Variants in FGF13 observed in about 807,000 individuals in gnomAD.
FGF13 encodes fibroblast growth factor homologous factor 2.
A neutral mutation model predicts 19.5 loss-of-function variants in FGF13; 2 were observed. That is an observed-to-expected ratio of 0.10 (90% CI 0.04 to 0.32). FGF13 has a LOEUF of 0.32. Among genes scored for constraint, FGF13 ranks in the 10% least tolerant of loss-of-function variants. FGF13 has a pLI of 1.00. For missense variants in FGF13, 113 were observed against 192.7 expected, an observed-to-expected ratio of 0.59 and a Z score of 2.45; for synonymous variants, 72 against 76.9, an observed-to-expected ratio of 0.94 and a Z score of 0.33.
intron 3 of FGF13, among the ~76,000 whole-genome samples, chrX:138,685,583 C>T (rs182644785): frequency 3.1e-4 from 35 of 111,374 alleles, no homozygotes; most frequent in African/African-American, 1.1e-3. Flanking sequence ...AATACAGCAG[C>T]TTTTCTCGAT....
intron 1 of FGF13, among the ~76,000 whole-genome samples, chrX:139,168,012 T>A (rs1001635844): frequency 8.9e-6 from 1 of 112,102 alleles, no homozygotes; most frequent in South Asian, 3.7e-4. Context: ...GAGTTCAAAA[T>A]GAAAACTAGG....
rs763051441 is a variant in FGF13, at chrX:138,778,499, C to T, written c.218-69571G>A. Reference sequence around the variant, plus strand: ...CGAAGCAGGGCGAGGTATTGCCTCCCTCAGGAAGCTCAAGGGGTCAGGGAG... The same window carrying T: ...CGAAGCAGGGCGAGGTATTGCCTCCTTCAGGAAGCTCAAGGGGTCAGGGAG... On this transcript the variant is annotated intron_variant, in intron 3 of 6. Coordinates refer to the FGF13 transcript ENST00000436198. Among the ~76,000 whole-genome samples, 29 of 112,372 alleles carry T rather than the reference C, an allele frequency of 2.6e-4. No homozygotes were observed. In the East Asian group the frequency reaches 7.9e-3, roughly 31 times the overall value.
chrX:139,065,383 C>T (rs2124426530), intron 1 of FGF13, among the ~76,000 whole-genome samples: 1 of 106,709 alleles, frequency 9.4e-6, no homozygotes, highest in African/African-American at 3.4e-5. Context: ...AGTCAAGACC[C>T]ATTGATGTGC....
At chrX:139,094,108 G>A (rs180929042) in intron 1 of FGF13, among the ~76,000 whole-genome samples, 18 of 111,549 alleles carry the variant, frequency 1.6e-4, no homozygotes, top group African/African-American at 2.6e-4. Flanking sequence ...CATACAGGCC[G>A]TCTCTAGTGC....
At chrX:138,814,818 G>T (rs984306038) in intron 3 of FGF13, among the ~76,000 whole-genome samples, 19 of 110,898 alleles carry the variant, frequency 1.7e-4, no homozygotes, top group African/African-American at 5.2e-4. Context: ...ACTATCATAT[G>T]ATCCAGTAAT....
chrX:138,810,293 A>G (rs943192135), intron 3 of FGF13, among the ~76,000 whole-genome samples: 2 of 111,525 alleles, frequency 1.8e-5, no homozygotes, highest in Non-Finnish European at 3.8e-5. Flanking sequence ...AATACCACAC[A>G]TCTATAAGCA....
intron 1 of FGF13, among the ~76,000 whole-genome samples, chrX:139,079,693 C>T (rs568810854): frequency 3.6e-5 from 4 of 111,239 alleles, no homozygotes; most frequent in Admixed American, 1.9e-4. Context: ...GACAAGTGTA[C>T]CAACTTTAAC....
intron 1 of FGF13, among the ~76,000 whole-genome samples, chrX:139,184,561 C>G (rs762875217): frequency 4.5e-5 from 5 of 111,131 alleles, no homozygotes; most frequent in Non-Finnish European, 7.5e-5. Flanking sequence ...ATTTATTTTC[C>G]TCCATAGCAC....
chrX:138,771,252 G>A (rs1306574611), intron 3 of FGF13, among the ~76,000 whole-genome samples: 2 of 111,769 alleles, frequency 1.8e-5, no homozygotes, highest in Non-Finnish European at 3.8e-5. Context: ...CTACTCATTT[G>A]TTTCTAAGGA....
Position 138,620,801 on chromosome X carries a change from T to C in FGF13, c.*12049A>G, listed in dbSNP as rs982301006. The C allele has an allele frequency of 1.8e-5, 2 of 111,473 alleles. No homozygotes were observed. The highest frequency in any genetic ancestry group is 6.5e-5 in the African/African-American group (2 of 30,688). 9.2% of individuals were successfully genotyped at this position (111,473 alleles called of 1,213,427 possible). ...GTGAAGAGATTAAAAAGATATTGCA[T>C]GTAAATAGAAACCAGAAAGAAGCAG... On this transcript the variant is annotated 3_prime_UTR_variant, in exon 5 of 5. Transcript: ENST00000315930.
chrX:138,832,785 A>G (rs2091083532), intron 3 of FGF13, among the ~76,000 whole-genome samples: 1 of 112,166 alleles, frequency 8.9e-6, no homozygotes. Context: ...TAGGGTTTTT[A>G]TAGTTTTGGA....
chrX:139,171,469 A>T (rs1195246134), intron 1 of FGF13, among the ~76,000 whole-genome samples: 1 of 111,422 alleles, frequency 9.0e-6, no homozygotes, highest in Non-Finnish European at 1.9e-5. Context: ...GGAGGTTCTA[A>T]TCCAACCCTC....
intron 1 of FGF13, among the ~76,000 whole-genome samples, chrX:139,025,834 G>A (rs911441461): frequency 5.4e-5 from 6 of 110,241 alleles, no homozygotes; most frequent in Admixed American, 4.9e-4. Flanking sequence ...TTCATGGAAG[G>A]GGCTCTTGGT....
intron 1 of FGF13, among the ~76,000 whole-genome samples, chrX:139,055,680 T>C (rs2092318866): frequency 8.9e-6 from 1 of 112,803 alleles, no homozygotes; most frequent in African/African-American, 3.2e-5. Context: ...TTCAACATCG[T>C]CTTATCCCTT....
In FGF13 at chrX:138,892,002, A is replaced by ATATATGTATGTGTGTGTGTGTGTGTGTG. The variant is rs756839627; in HGVS notation, c.-112-27353_-112-27352insCACACACACACACACACACATACATATA. Reference sequence around the variant, plus strand: ...TCTGTCTCTCTCTCTATATATACATATGTGTGTGTGTGTGTGTGTGTGTGT... The same window carrying ATATATGTATGTGTGTGTGTGTGTGTGTG: ...TCTGTCTCTCTCTCTATATATACATATATATGTATGTGTGTGTGTGTGTGTGTGTGTGTGTGTGTGTGTGTGTGTGTGT... On this transcript the variant is annotated intron_variant, in intron 1 of 2. Transcript: ENST00000421460. Among the ~76,000 whole-genome samples, 594 of 90,331 alleles carry ATATATGTATGTGTGTGTGTGTGTGTGTG rather than the reference A, an allele frequency of 6.6e-3. 5 individuals carry two copies. Among genetic ancestry groups the ATATATGTATGTGTGTGTGTGTGTGTGTG allele is most frequent in the African/African-American group, 0.023 (553 of 23,582 alleles). 78.4% of individuals were successfully genotyped at this position (90,331 alleles called of 115,157 possible).
chrX:138,812,884 T>G (rs2090937038), intron 3 of FGF13, among the ~76,000 whole-genome samples: 1 of 110,738 alleles, frequency 9.0e-6, no homozygotes, highest in South Asian at 4.0e-4. Context: ...GCGTGTATTG[T>G]TCCCCTATCT....
At chrX:138,952,031 C>T (rs1200547022) in intron 1 of FGF13, among the ~76,000 whole-genome samples, 9 of 111,404 alleles carry the variant, frequency 8.1e-5, no homozygotes, top group African/African-American at 2.9e-4. Flanking sequence ...CAATGCAACC[C>T]CCATCAAGCT....
chrX:139,078,258 T>C (rs2083345386), intron 1 of FGF13, among the ~76,000 whole-genome samples: 2 of 109,616 alleles, frequency 1.8e-5, no homozygotes, highest in African/African-American at 3.3e-5. Flanking sequence ...CAGAAGATAC[T>C]GGGCCCTCAC....
chrX:139,136,308 A>G (rs1490471323), intron 1 of FGF13, among the ~76,000 whole-genome samples: 1 of 111,161 alleles, frequency 9.0e-6, no homozygotes, highest in Non-Finnish European at 1.9e-5. Context: ...TCACCTGAGT[A>G]GTGTACACTG....
Sources: allele counts gnomAD v4.1 joint callset (sites outside exome capture counted in the v4.1 genomes callset), GRCh38; gene constraint gnomAD v4.1.1; transcripts MANE v1.5; gene names NCBI Gene and HGNC (gene_info 2026-07-23, HGNC 2026-07-21).